Variants in CATSPERB observed in about 807,000 individuals in gnomAD.
The protein encoded by CATSPERB is catsper channel auxiliary subunit beta.
CATSPERB carries 93 observed loss-of-function variants against 128.3 expected under a neutral mutation model. That is an observed-to-expected ratio of 0.72 (90% CI 0.61 to 0.86). The LOEUF is 0.86. CATSPERB is among the 40% of genes least tolerant of loss of function. The probability of loss-of-function intolerance (pLI) is 0.00; values close to 1 mark genes in which losing one functional copy is unlikely to be tolerated. For synonymous variants in CATSPERB, 381 were observed against 448.8 expected (o/e 0.85, Z 1.91); for missense variants, 1,153 against 1,329.5 (o/e 0.87, Z 2.06).
intron 4 of CATSPERB, among the ~76,000 whole-genome samples, chr14:91,719,756 T>C (rs1397368747): frequency 6.6e-6 from 1 of 152,192 alleles, no homozygotes. Flanking sequence ...AGTGGAACTC[T>C]GTACAGCCAA....
chr14:91,706,152 T>A (rs895157884), intron 6 of CATSPERB, among the ~76,000 whole-genome samples: 1 of 152,204 alleles, frequency 6.6e-6, no homozygotes, highest in Non-Finnish European at 1.5e-5. Flanking sequence ...TATGTGATAT[T>A]TTTTTCACTT....
intron 13 of CATSPERB, among the ~76,000 whole-genome samples, chr14:91,671,539 C>G (rs944653454): frequency 2.6e-5 from 4 of 151,912 alleles, no homozygotes; most frequent in Non-Finnish European, 4.4e-5. Context: ...TGCAGTGAGC[C>G]AAGATTGCAC....
At chr14:91,716,249 A>G (rs1453736389) in intron 5 of CATSPERB, among the ~76,000 whole-genome samples, 1 of 152,234 alleles carries the variant, frequency 6.6e-6, no homozygotes, top group Non-Finnish European at 1.5e-5. Context: ...GCAAATAAGC[A>G]CAAAAAAAGA....
At chr14:91,693,867 C>T (rs999484878) in intron 7 of CATSPERB, among the ~76,000 whole-genome samples, 3 of 151,994 alleles carry the variant, frequency 2.0e-5, no homozygotes, top group African/African-American at 7.3e-5. Flanking sequence ...GCAGTCTCTG[C>T]CCTCCCTTTA....
intron 15 of CATSPERB, among the ~76,000 whole-genome samples, chr14:91,655,034 T>C (rs1894764601): frequency 1.3e-5 from 2 of 151,882 alleles, no homozygotes; most frequent in Non-Finnish European, 2.9e-5. Context: ...ATACAGGTAA[T>C]ACAAGTTCTC....
At chr14:91,592,589 C>T (rs971786050) in intron 22 of CATSPERB, 1 of 153,064 alleles carries the variant, frequency 6.5e-6, no homozygotes, top group African/African-American at 2.4e-5. Flanking sequence ...TCACTGCAGT[C>T]TTGAACTCCT....
chr14:91,670,469 G>A (rs1375439269), intron 13 of CATSPERB, among the ~76,000 whole-genome samples: 1 of 151,772 alleles, frequency 6.6e-6, no homozygotes, highest in Non-Finnish European at 1.5e-5. Context: ...CTTGAGCCTA[G>A]GCATTTGAGA....
intron 17 of CATSPERB, among the ~76,000 whole-genome samples, chr14:91,635,346 A>G (rs1894352789): frequency 6.8e-6 from 1 of 146,644 alleles, no homozygotes; most frequent in Non-Finnish European, 1.5e-5. Flanking sequence ...TGGGGGTTAT[A>G]TAATTCATAT....
intron 10 of CATSPERB, among the ~76,000 whole-genome samples, chr14:91,685,382 T>C (rs1454256069): frequency 6.6e-6 from 1 of 152,212 alleles, no homozygotes; most frequent in Admixed American, 6.5e-5. Flanking sequence ...TACAACTTGT[T>C]CAAAATTTTA....
At chr14:91,598,281 G>A (rs11627545) in intron 22 of CATSPERB, among the ~76,000 whole-genome samples, 2 of 150,676 alleles carry the variant, frequency 1.3e-5, no homozygotes, top group Non-Finnish European at 3.0e-5. Context: ...CTTTGAATTA[G>A]ACAAAACTTG....
At chr14:91,695,154 G>A (rs1159109922) in intron 7 of CATSPERB, among the ~76,000 whole-genome samples, 2 of 134,644 alleles carry the variant, frequency 1.5e-5, no homozygotes, top group African/African-American at 5.6e-5. Context: ...TTTTTTGATA[G>A]AGTCTCACTC....
At chr14:91,728,835 A>C (rs1048462234) in intron 2 of CATSPERB, among the ~76,000 whole-genome samples, 3 of 152,186 alleles carry the variant, frequency 2.0e-5, no homozygotes, top group African/African-American at 7.2e-5. Context: ...CTGTGGGACA[A>C]ACGTACAGAA....
chr14:91,610,480 C>T lies in CATSPERB; in HGVS notation c.2598G>A (p.Pro866=), dbSNP rs200068153. The T allele has an allele frequency of 1.7e-5, 27 of 1,595,884 alleles. No homozygotes were observed. The highest frequency in any genetic ancestry group is 1.6e-4 in the African/African-American group (12 of 73,296). The part of the protein sequence containing the change: ...SQGFNLIKTL[P]INYRPPSNMG... The stretch of plus-strand genomic sequence containing the variant: ...AATATACTTAGATTTTTTTTTTTAC[C>T]GGCAAAGTTTTGATGAGGTTAAAAC... The change falls in exon 21 of 27, where the codon CCG becomes CCA. Residue 866 remains proline, a splice_region_variant and synonymous_variant. Transcript: ENST00000256343.
intron 10 of CATSPERB, among the ~76,000 whole-genome samples, chr14:91,686,654 A>G (rs1895380567): frequency 6.6e-6 from 1 of 152,186 alleles, no homozygotes. Flanking sequence ...GACTTATTAT[A>G]ATATCCTTGC....
intron 11 of CATSPERB, among the ~76,000 whole-genome samples, chr14:91,680,530 T>C (rs1895262738): frequency 6.6e-6 from 1 of 152,214 alleles, no homozygotes; most frequent in Non-Finnish European, 1.5e-5. Flanking sequence ...TCAGCTCTTA[T>C]GCTGTTTAAA....
At position 91,588,032 on chromosome 14, in the gene CATSPERB, T is replaced by A; in HGVS notation, c.3003A>T (p.Glu1001Asp). 6.2e-7 allele frequency: 1 copy of A among 1,612,432 alleles called. No individual in the cohort carries two copies. Among genetic ancestry groups the A allele is most frequent in the South Asian group, 1.1e-5 (1 of 90,936 alleles). Reference protein sequence around the residue: ...ENIKRMKQLVEPILGAAVYNP... With the variant: ...ENIKRMKQLVDPILGAAVYNP... ...TATACACTGCAGCACCAAGAATTGGTTCTACTAATTGTTTCATTCTTTTAA... is the reference window on the plus strand; with the variant it reads ...TATACACTGCAGCACCAAGAATTGGATCTACTAATTGTTTCATTCTTTTAA... The change falls in exon 25 of 27, where the codon GAA becomes GAT. Residue 1001 changes from glutamate (E) to aspartate (D), a missense_variant. By Grantham distance (45) the Glu-to-Asp change is conservative. Coordinates refer to ENST00000256343, the MANE Select transcript of CATSPERB (RefSeq NM_024764.4).
At chr14:91,672,456 T>G (rs1467743458) in intron 13 of CATSPERB, among the ~76,000 whole-genome samples, 2 of 152,154 alleles carry the variant, frequency 1.3e-5, no homozygotes, top group Non-Finnish European at 2.9e-5. Context: ...AGTTTATGTG[T>G]TTTTTAATGG....
intron 15 of CATSPERB, among the ~76,000 whole-genome samples, chr14:91,655,365 A>G (rs1246333835): frequency 6.6e-6 from 1 of 152,228 alleles, no homozygotes; most frequent in Non-Finnish European, 1.5e-5. Flanking sequence ...GATCTTGGAG[A>G]GACAGAGATA....
At chr14:91,599,546 A>AAAAC (rs1491379849) in intron 22 of CATSPERB, among the ~76,000 whole-genome samples, 1 of 12,156 alleles carries the variant, frequency 8.2e-5, no homozygotes, top group Admixed American at 1.5e-3. Flanking sequence ...GCGGCAGAGC[A>AAAAC]AAAAAAAAAA....
Sources: allele counts gnomAD v4.1 joint callset (sites outside exome capture counted in the v4.1 genomes callset), GRCh38; gene constraint gnomAD v4.1.1; transcripts MANE v1.5; gene names NCBI Gene and HGNC (gene_info 2026-07-23, HGNC 2026-07-21).